KIF16B: variants seen among roughly 807,000 people sequenced by gnomAD.
The protein encoded by KIF16B is kinesin-like protein KIF16B.
Under a neutral mutation model 156.3 loss-of-function variants are expected in KIF16B, and 98 were observed. The observed-to-expected ratio is 0.63, with a 90% CI of 0.53 to 0.74. The LOEUF is 0.74. Among genes scored for constraint, KIF16B ranks in the 30% least tolerant of loss-of-function variants. The pLI, the probability that KIF16B is intolerant of heterozygous loss-of-function variation, is 0.00. For missense variants in KIF16B, 1,421 were observed against 1,606.5 expected (o/e 0.88, Z 1.97); for synonymous variants, 564 against 583.7 (o/e 0.97, Z 0.49).
intron 24 of KIF16B, among the ~76,000 whole-genome samples, chr20:16,326,901 A>C (rs1335778184): frequency 6.6e-6 from 1 of 151,864 alleles, no homozygotes; most frequent in Non-Finnish European, 1.5e-5. Context: ...CAACACTTCA[A>C]AATTGCAAAA....
chr20:16,557,983 G>A (rs1342130985), intron 1 of KIF16B, among the ~76,000 whole-genome samples: 1 of 152,126 alleles, frequency 6.6e-6, no homozygotes, highest in Non-Finnish European at 1.5e-5. Context: ...TACCTAAGAG[G>A]CCAAATTTTG....
intron 17 of KIF16B, among the ~76,000 whole-genome samples, chr20:16,390,254 C>A (rs1031958473): frequency 3.3e-5 from 5 of 151,846 alleles, no homozygotes; most frequent in Non-Finnish European, 7.4e-5. Context: ...ATGGAAAGTG[C>A]CCTAAGAAAA....
intron 17 of KIF16B, among the ~76,000 whole-genome samples, chr20:16,385,844 C>T (rs2065218188): frequency 6.6e-6 from 1 of 152,168 alleles, no homozygotes; most frequent in African/African-American, 2.4e-5. Context: ...TTAATTCTCA[C>T]AATGACCCTG....
intron 17 of KIF16B, among the ~76,000 whole-genome samples, chr20:16,383,313 C>T (rs1215854722): frequency 6.6e-6 from 1 of 152,202 alleles, no homozygotes. Flanking sequence ...TCCAAGGTCA[C>T]AGTGGTAATA....
chr20:16,383,264 C>A (rs59045088), intron 17 of KIF16B, among the ~76,000 whole-genome samples: 6,910 of 152,268 alleles, frequency 0.045, 184 homozygotes, highest in African/African-American at 0.078. Context: ...CCATTTTACA[C>A]ACAAGGAATC....
At chr20:16,511,633 A>T in intron 5 of KIF16B, 106 bp from the exon 6 acceptor site, 1 of 657,142 alleles carries the variant, frequency 1.5e-6, no homozygotes, top group Non-Finnish European at 2.7e-6. Context: ...CCACAGCAGC[A>T]GTTACCATTT....
chr20:16,527,608 G>C (rs2069595146), intron 2 of KIF16B, among the ~76,000 whole-genome samples: 2 of 152,018 alleles, frequency 1.3e-5, no homozygotes, highest in Non-Finnish European at 2.9e-5. Flanking sequence ...ATGGGGTCTT[G>C]CTCTGTTGCC....
rs1202048527 is a variant in KIF16B, at chr20:16,494,347, G to C, written c.1246C>G (p.Gln416Glu). The change falls in exon 12 of 26, where the codon CAA becomes GAA. Residue 416 changes from glutamine (Q) to glutamate (E), a missense_variant. By Grantham distance (29) the Gln-to-Glu change is conservative. Transcript: ENST00000354981. ...TTTGTCCATTCCTTGGTCAATTCTT[G>C]AACCTGAAAAGAAAAATATACATAC... ...EKLQQNEARV[Q>E]ELTKEWTNKW... is the part of the protein sequence containing the mutation. 1.3e-6 allele frequency: 2 copies of C among 1,591,938 alleles called. No individual in the cohort carries two copies. Among genetic ancestry groups the C allele is most frequent in the Middle Eastern group, 1.7e-4 (1 of 6,002 alleles).
chr20:16,357,406 G>A (rs1393673756), intron 22 of KIF16B, among the ~76,000 whole-genome samples: 1 of 152,194 alleles, frequency 6.6e-6, no homozygotes, highest in African/African-American at 2.4e-5. Flanking sequence ...GTATGGGGTA[G>A]AGTCAAGATT....
intron 12 of KIF16B, among the ~76,000 whole-genome samples, chr20:16,431,322 A>G (rs78253324): frequency 0.023 from 3,535 of 152,304 alleles, 137 homozygotes; most frequent in African/African-American, 0.08. Flanking sequence ...TCAGTGAGAC[A>G]AAAGCCAAAG....
chr20:16,515,635 CACG>C lies in KIF16B; in HGVS notation c.258_260del (p.Val87del). 6.2e-7 allele frequency: 1 copy of C among 1,612,564 alleles called. No homozygotes were observed. On this transcript the variant is annotated inframe_deletion, in exon 4 of 26. Transcript: ENST00000354981. ...CATTATAACCTTCAAATGCAGACTT[CACG>C]ACATCTGTGCCGAGGGTTTTGAAAA...
At chr20:16,554,296 G>C (rs2147313026) in intron 1 of KIF16B, among the ~76,000 whole-genome samples, 1 of 152,286 alleles carries the variant, frequency 6.6e-6, no homozygotes, top group Non-Finnish European at 1.5e-5. Flanking sequence ...GATTCAGCCA[G>C]ACTCGAAAAG....
chr20:16,361,368 C>T (rs992063515), intron 22 of KIF16B, among the ~76,000 whole-genome samples: 6 of 152,182 alleles, frequency 3.9e-5, no homozygotes, highest in Non-Finnish European at 7.3e-5. Flanking sequence ...AGATAACATG[C>T]AGGAACAAGC....
At chr20:16,436,428 G>A (rs1048254879) in intron 12 of KIF16B, among the ~76,000 whole-genome samples, 1 of 152,146 alleles carries the variant, frequency 6.6e-6, no homozygotes, top group African/African-American at 2.4e-5. Flanking sequence ...GGATGCCCTC[G>A]AGCTTCTTAA....
chr20:16,544,724 C>T (rs559436452), intron 1 of KIF16B, among the ~76,000 whole-genome samples: 3 of 151,970 alleles, frequency 2.0e-5, no homozygotes, highest in African/African-American at 7.2e-5. Context: ...CACATTTGAC[C>T]TGCTTACTGA....
intron 1 of KIF16B, among the ~76,000 whole-genome samples, chr20:16,556,055 C>T (rs772153664): frequency 6.6e-6 from 1 of 152,204 alleles, no homozygotes; most frequent in Non-Finnish European, 1.5e-5. Flanking sequence ...CCATCCTCCC[C>T]CTTCCAACAC....
At chr20:16,504,595 C>T (rs774858932) in intron 9 of KIF16B, 48 bp from the exon 10 acceptor site, 2 of 1,530,556 alleles carry the variant, frequency 1.3e-6, no homozygotes, top group East Asian at 4.5e-5. Flanking sequence ...CTCCATGTTC[C>T]ATTTAACACA....
chr20:16,313,232 C>G (rs2122717627), intron 24 of KIF16B, among the ~76,000 whole-genome samples: 1 of 152,192 alleles, frequency 6.6e-6, no homozygotes, highest in South Asian at 2.1e-4. Context: ...CTCAATTTGT[C>G]AGGACCAGAC....
intron 17 of KIF16B, among the ~76,000 whole-genome samples, chr20:16,387,715 T>C (rs2065262426): frequency 6.6e-6 from 1 of 152,130 alleles, no homozygotes; most frequent in Non-Finnish European, 1.5e-5. Context: ...AGGCAAAAAG[T>C]GGGACAGGCA....
Sources: gnomAD v4.1 joint callset for allele counts (sites outside exome capture counted in the v4.1 genomes callset) on GRCh38, gnomAD v4.1.1 for gene constraint, MANE v1.5 for transcripts, NCBI Gene and HGNC (gene_info 2026-07-23, HGNC 2026-07-21) for gene names.